The following CNTN4 variants were observed in gnomAD, a reference collection of about 807,000 sequenced individuals.
CNTN4 encodes contactin-4.
CNTN4 carries 77 observed loss-of-function variants against 122.5 expected under a neutral mutation model. The ratio of observed to expected loss-of-function variants is 0.63; its 90% CI spans 0.52 to 0.76. The LOEUF is 0.76. CNTN4 is among the 30% of genes least tolerant of loss of function. The pLI is 0.00. For missense variants in CNTN4, 1,256 were observed against 1,259.1 expected (o/e 1.00, Z 0.04); for synonymous variants, 512 against 447.0 (o/e 1.15, Z -1.83).
intron 3 of CNTN4, among the ~76,000 whole-genome samples, chr3:2,381,036 T>C (rs1166229724): frequency 6.6e-6 from 1 of 151,822 alleles, no homozygotes; most frequent in East Asian, 1.9e-4. Flanking sequence ...GACAGAGTCT[T>C]GGTCAGTCGC....
At chr3:2,650,668 C>A (rs549352671) in intron 4 of CNTN4, among the ~76,000 whole-genome samples, 2 of 152,128 alleles carry the variant, frequency 1.3e-5, no homozygotes, top group African/African-American at 4.8e-5. Context: ...CCATCTTAAT[C>A]GAGGGAAGAC....
chr3:2,542,626 A>G (rs1012898541), intron 3 of CNTN4, among the ~76,000 whole-genome samples: 1 of 152,134 alleles, frequency 6.6e-6, no homozygotes, highest in Non-Finnish European at 1.5e-5. Flanking sequence ...TTAAGGTACA[A>G]ATATTTCCAG....
intron 3 of CNTN4, among the ~76,000 whole-genome samples, chr3:2,465,391 T>C (rs1411848590): frequency 1.3e-5 from 2 of 152,038 alleles, no homozygotes; most frequent in Non-Finnish European, 2.9e-5. Flanking sequence ...AAAATAAAAA[T>C]AATGTCCGGG....
chr3:2,364,714 G>T (rs954503487), intron 3 of CNTN4, among the ~76,000 whole-genome samples: 1 of 152,150 alleles, frequency 6.6e-6, no homozygotes, highest in African/African-American at 2.4e-5. Flanking sequence ...TATATCAAAT[G>T]TGGCCCAATG....
intron 2 of CNTN4, among the ~76,000 whole-genome samples, chr3:2,323,220 T>C (rs893990782): frequency 6.6e-6 from 1 of 152,082 alleles, no homozygotes; most frequent in African/African-American, 2.4e-5. Flanking sequence ...AAGTCTCCTA[T>C]AGGAAAGCCG....
Position 2,549,550 on chromosome 3 carries a change from G to C in CNTN4, c.-88-21866G>C, listed in dbSNP as rs373772268. ...AACCTTGCATCCCAAGGATGAAGCC[G>C]ACTTGATCATGGTGGATAAGCTTTT... On this transcript the variant is annotated intron_variant, in intron 3 of 24. Coordinates refer to ENST00000418658, the MANE Select transcript of CNTN4 (RefSeq NM_175607.3). 2.6e-5 allele frequency among the ~76,000 whole-genome samples: 4 copies of C among 152,194 alleles called. No homozygotes were observed. In the East Asian group the frequency reaches 5.8e-4, roughly 22 times the overall value.
At chr3:2,139,045 T>A (rs920873387) in intron 2 of CNTN4, among the ~76,000 whole-genome samples, 5 of 152,170 alleles carry the variant, frequency 3.3e-5, no homozygotes, top group South Asian at 2.1e-4. Context: ...GTAGTGCATC[T>A]TTTTTCCTCT....
chr3:2,775,335 C>T (rs941890787), intron 6 of CNTN4, among the ~76,000 whole-genome samples: 1 of 151,806 alleles, frequency 6.6e-6, no homozygotes, highest in African/African-American at 2.4e-5. Context: ...ATGCAAAACT[C>T]CTCTGTACAT....
chr3:2,710,064 G>A (rs1438240808), intron 4 of CNTN4, among the ~76,000 whole-genome samples: 2 of 152,138 alleles, frequency 1.3e-5, no homozygotes, highest in Admixed American at 1.3e-4. Flanking sequence ...TAAATTATTA[G>A]CACTAGGTAT....
intron 2 of CNTN4, among the ~76,000 whole-genome samples, chr3:2,313,416 A>G (rs939719299): frequency 6.6e-6 from 1 of 152,042 alleles, no homozygotes; most frequent in Non-Finnish European, 1.5e-5. Context: ...TTTACCTCCA[A>G]AAAAATGCAG....
chr3:2,269,902 G>GTTTA (rs2041203614), intron 2 of CNTN4, among the ~76,000 whole-genome samples: 1 of 62,554 alleles, frequency 1.6e-5, no homozygotes, highest in African/African-American at 4.8e-5. Flanking sequence ...TAGCCAGTTT[G>GTTTA]TTTGTTTGTT....
intron 4 of CNTN4, among the ~76,000 whole-genome samples, chr3:2,712,339 G>A (rs888197419): frequency 4.8e-4 from 73 of 152,186 alleles, no homozygotes; most frequent in African/African-American, 1.6e-3. Context: ...ATTATTACTT[G>A]AACAACTATT....
chr3:2,999,728 C>T (rs980222113), intron 14 of CNTN4, among the ~76,000 whole-genome samples: 1 of 152,120 alleles, frequency 6.6e-6, no homozygotes, highest in Non-Finnish European at 1.5e-5. Flanking sequence ...ATTCATGACT[C>T]AGTCACCTCC....
intron 2 of CNTN4, among the ~76,000 whole-genome samples, chr3:2,181,578 C>T (rs757095202): frequency 6.6e-6 from 1 of 152,026 alleles, no homozygotes; most frequent in Non-Finnish European, 1.5e-5. Flanking sequence ...GTGCAATTTC[C>T]TCCTGTAACT....
chr3:2,761,207 A>G lies in CNTN4; in HGVS notation c.358+15510A>G, dbSNP rs377512700. Among the ~76,000 whole-genome samples the G allele has an allele frequency of 7.2e-5, 11 of 152,282 alleles. 1 individual carries two copies. Among genetic ancestry groups the G allele is most frequent in the South Asian group, 2.1e-4 (1 of 4,816 alleles). ...TCTCTACCAGAGTACTCTGTAATAA[A>G]TAATTTCTCCTAAATTTTCTTAGGT... On this transcript the variant is annotated intron_variant, in intron 6 of 24. Transcript: ENST00000418658.
At chr3:2,935,369 A>C (rs12054381) in intron 13 of CNTN4, among the ~76,000 whole-genome samples, 101,236 of 152,040 alleles carry the variant, frequency 0.67, 34,178 homozygotes, top group Middle Eastern at 0.85. Flanking sequence ...AGTGTCTCAC[A>C]TATTAATCCC....
At chr3:2,644,201 T>C (rs2083018205) in intron 4 of CNTN4, among the ~76,000 whole-genome samples, 1 of 152,214 alleles carries the variant, frequency 6.6e-6, no homozygotes, top group South Asian at 2.1e-4. Flanking sequence ...CAAGTCCTAA[T>C]GGTCTTCCAA....
chr3:2,132,479 T>G (rs2034499022), intron 2 of CNTN4: 1 of 152,166 alleles, frequency 6.6e-6, no homozygotes, highest in Middle Eastern at 3.2e-3. Context: ...ATGTGTTATA[T>G]TCCTCAAATG....
chr3:2,237,069 T>C (rs923711804), intron 2 of CNTN4, among the ~76,000 whole-genome samples: 1 of 152,048 alleles, frequency 6.6e-6, no homozygotes, highest in Non-Finnish European at 1.5e-5. Flanking sequence ...TGTAGGCCAA[T>C]TGAAGAATTT....
Sources: allele counts gnomAD v4.1 joint callset (sites outside exome capture counted in the v4.1 genomes callset), GRCh38; gene constraint gnomAD v4.1.1; transcripts MANE v1.5; gene names NCBI Gene and HGNC (gene_info 2026-07-23, HGNC 2026-07-21).